FNBP1: variants seen among roughly 807,000 people sequenced by gnomAD.
The protein encoded by FNBP1 is formin binding protein 1, also known as formin-binding protein 1.
A neutral mutation model predicts 90.6 loss-of-function variants in FNBP1; 26 were observed. The ratio of observed to expected loss-of-function variants is 0.29; its 90% CI spans 0.21 to 0.40. FNBP1 has a LOEUF of 0.40. Among genes scored for constraint, FNBP1 ranks in the 10% least tolerant of loss-of-function variants. FNBP1 has a pLI of 1.00. For synonymous variants in FNBP1, 260 were observed against 265.2 expected, an observed-to-expected ratio of 0.98 and a Z score of 0.19; for missense variants, 635 against 768.0, an observed-to-expected ratio of 0.83 and a Z score of 2.05.
At chr9:129,933,430 T>C (rs945617922) in intron 6 of FNBP1, 4 of 152,214 alleles carry the variant, frequency 2.6e-5, no homozygotes, top group Admixed American at 6.5e-5. Flanking sequence ...TCCCTAATCA[T>C]GTTTTAGCTT....
At chr9:129,903,070 T>C (rs1292427439) in intron 12 of FNBP1, 69 bp from the exon 13 acceptor site, 6 of 1,460,954 alleles carry the variant, frequency 4.1e-6, no homozygotes, top group Non-Finnish European at 3.7e-6. Context: ...TTCACTCTTG[T>C]CACCCAGGCT....
At chr9:129,954,241 C>T (rs1182242363) in intron 6 of FNBP1, among the ~76,000 whole-genome samples, 1 of 151,734 alleles carries the variant, frequency 6.6e-6, no homozygotes, top group Non-Finnish European at 1.5e-5. Flanking sequence ...TAGGATCAAC[C>T]CAGAAGTAGA....
the FNBP1 span, among the ~76,000 whole-genome samples, chr9:130,050,869 C>T: frequency 6.7e-6 from 1 of 148,498 alleles, no homozygotes; most frequent in African/African-American, 2.5e-5. Context: ...CTCTGTCGCA[C>T]AGGCTGGAGT....
chr9:129,927,879 C>T (rs1293956763), intron 7 of FNBP1, among the ~76,000 whole-genome samples: 1 of 151,128 alleles, frequency 6.6e-6, no homozygotes, highest in Non-Finnish European at 1.5e-5. Flanking sequence ...CTGCCTAGGC[C>T]TCCAAAGTGC....
chr9:130,030,561 T>C (rs1305801561), intron 1 of FNBP1, among the ~76,000 whole-genome samples: 1 of 152,118 alleles, frequency 6.6e-6, no homozygotes, highest in African/African-American at 2.4e-5. Flanking sequence ...AACTGTAACG[T>C]AGACTGTCCT....
At chr9:130,009,829 C>T (rs1293327892) in intron 1 of FNBP1, among the ~76,000 whole-genome samples, 3 of 151,536 alleles carry the variant, frequency 2.0e-5, no homozygotes, top group African/African-American at 7.3e-5. Context: ...AAAAATTAGC[C>T]TGGCATGGCG....
intron 11 of FNBP1, among the ~76,000 whole-genome samples, chr9:129,910,855 GTGTGTGTGTGTA>G (rs949634961): frequency 6.1e-5 from 8 of 130,136 alleles, no homozygotes; most frequent in African/African-American, 2.0e-4. Flanking sequence ...TAATGTGTGT[GTGTGTGTGTGTA>G]TGTGTGTGAG....
intron 1 of FNBP1, among the ~76,000 whole-genome samples, chr9:130,009,483 C>CATCTCT (rs2056249430): frequency 6.6e-6 from 1 of 151,830 alleles, no homozygotes; most frequent in East Asian, 1.9e-4. Flanking sequence ...CCAACATGGG[C>CATCTCT]ATCTCTACTA....
upstream of FNBP1, among the ~76,000 whole-genome samples, chr9:130,047,197 T>G (rs2033842890): frequency 6.6e-6 from 1 of 151,870 alleles, no homozygotes; most frequent in South Asian, 2.1e-4. Context: ...AAAATAAAAA[T>G]TAAAAGAACA....
At chr9:129,971,382 T>C (rs1393705989) in intron 4 of FNBP1, among the ~76,000 whole-genome samples, 1 of 151,924 alleles carries the variant, frequency 6.6e-6, no homozygotes, top group African/African-American at 2.4e-5. Flanking sequence ...TATTTTACAG[T>C]TAGATTTTTG....
intron 6 of FNBP1, among the ~76,000 whole-genome samples, chr9:129,940,463 T>C (rs1358287883): frequency 2.0e-5 from 3 of 152,050 alleles, no homozygotes; most frequent in Non-Finnish European, 4.4e-5. Context: ...TTACATCATA[T>C]GTAATATATA....
rs571868870 is a variant in FNBP1 at position 129,898,192 on chromosome 9, T to C, written c.1687+1773A>G. Among the ~76,000 whole-genome samples the C allele has an allele frequency of 2.1e-3, 325 of 152,254 alleles. 2 individuals carry two copies. Among genetic ancestry groups the C allele is most frequent in the African/African-American group, 7.5e-3 (312 of 41,540 alleles). The stretch of plus-strand genomic sequence containing the variant: ...TGGATCCTACACATCTGACGATGAC[T>C]TTCCTAAGGTACAGCTCTGACTGCA... On this transcript the variant is annotated intron_variant, in intron 15 of 16. Coordinates refer to ENST00000446176, the MANE Select transcript of FNBP1 (RefSeq NM_015033.3).
At chr9:129,952,161 C>T (rs1307788347) in intron 6 of FNBP1, among the ~76,000 whole-genome samples, 3 of 151,322 alleles carry the variant, frequency 2.0e-5, no homozygotes, top group Non-Finnish European at 4.4e-5. Context: ...CACTGCACTC[C>T]AGCCTGGGCA....
At chr9:129,998,526 A>AGC (rs1554844817) in intron 1 of FNBP1, among the ~76,000 whole-genome samples, 4 of 150,760 alleles carry the variant, frequency 2.7e-5, no homozygotes, top group Non-Finnish European at 5.9e-5. Context: ...AAAAAAAAAA[A>AGC]ACAAAAAAGC....
rs2052465046 is a variant in FNBP1, at chr9:129,987,491, C to T, written c.140+7352G>A. On this transcript the variant is annotated intron_variant, in intron 2 of 16. Transcript: ENST00000446176. The stretch of plus-strand genomic sequence containing the variant: ...GAATTTCAACATGGAAGTACACACA[C>T]ACAATAATGACATCCTGTAAGTTTT... Among the ~76,000 whole-genome samples the T allele has an allele frequency of 3.3e-5, 5 of 152,142 alleles. No individual in the cohort carries two copies. In the South Asian group the frequency reaches 1.0e-3, roughly 31 times the overall value.
Position 129,908,930 on chromosome 9 carries a change from C to T in FNBP1, c.1255G>A (p.Asp419Asn), listed in dbSNP as rs1190854882. The T allele has an allele frequency of 6.2e-7, 1 of 1,613,478 alleles. No homozygotes were observed. Among genetic ancestry groups the T allele is most frequent in the Non-Finnish European group, 8.5e-7 (1 of 1,179,686 alleles). Residue 419 changes from aspartate to asparagine, a missense_variant, in exon 12 of 17, where the codon GAT becomes AAT. Coordinates refer to ENST00000446176, the MANE Select transcript of FNBP1 (RefSeq NM_015033.3). ...QRRKKLQQKV[D>N]ELNKEIQKEM... ...TTCTGAATTTCTTTATTTAACTCAT[C>T]GACTTTCTGCTGCAGCTTTTTCCTT...
the FNBP1 span, among the ~76,000 whole-genome samples, chr9:130,052,238 C>T: frequency 6.6e-6 from 1 of 152,232 alleles, no homozygotes; most frequent in Non-Finnish European, 1.5e-5. Flanking sequence ...CTCTTAAACC[C>T]CTGGACAGAC....
At chr9:130,048,492 T>A in the FNBP1 span, among the ~76,000 whole-genome samples, 1 of 25,736 alleles carries the variant, frequency 3.9e-5, no homozygotes, top group South Asian at 1.4e-3. Flanking sequence ...CTCAGTTTCC[T>A]TTTTTTTTTT....
At chr9:129,973,817 CTT>C (rs1210959601) in intron 4 of FNBP1, among the ~76,000 whole-genome samples, 1 of 125,948 alleles carries the variant, frequency 7.9e-6, no homozygotes, top group Non-Finnish European at 1.7e-5. Context: ...CTTTTTTTTT[CTT>C]TTTTTTTTTG....
Sources: gnomAD v4.1 joint callset for allele counts (sites outside exome capture counted in the v4.1 genomes callset) on GRCh38, gnomAD v4.1.1 for gene constraint, MANE v1.5 for transcripts, NCBI Gene and HGNC (gene_info 2026-07-23, HGNC 2026-07-21) for gene names.